Variants in SPPL2A observed in about 807,000 individuals in gnomAD.
The protein encoded by SPPL2A is signal peptide peptidase like 2A.
In SPPL2A, 51 loss-of-function variants were observed where a neutral mutation model predicts 63.8. The ratio of observed to expected loss-of-function variants is 0.80; its 90% CI spans 0.64 to 1.01. SPPL2A has a LOEUF of 1.01. SPPL2A is among the 50% of genes least tolerant of loss of function. The pLI, the probability that SPPL2A is intolerant of heterozygous loss-of-function variation, is 0.00. For synonymous variants in SPPL2A, 188 were observed against 205.8 expected (o/e 0.91, Z 0.74); for missense variants, 553 against 622.7 (o/e 0.89, Z 1.19).
intron 14 of SPPL2A, among the ~76,000 whole-genome samples, chr15:50,712,078 T>C (rs1323411824): frequency 6.6e-6 from 1 of 152,108 alleles, no homozygotes; most frequent in African/African-American, 2.4e-5. Context: ...GCATTAGAGG[T>C]GCACTGCATA....
rs1178344844 is a variant in SPPL2A, at chr15:50,720,086, T to C, written c.1342A>G (p.Met448Val). Residue 448 changes from methionine (M) to valine (V), a missense_variant, in exon 14 of 15, where the codon ATG becomes GTG. Met to Val is a conservative substitution (Grantham distance 21). Transcript: ENST00000261854. ...VSSTVAYAIG[M>V]ILTFVVLVLM... ...ACCAGAACAACAAATGTAAGTATCA[T>C]GCCAATAGCATAGGCTGCAAGAAGA... 6.2e-6 allele frequency: 10 copies of C among 1,611,238 alleles called. No homozygotes were observed. Among genetic ancestry groups the C allele is most frequent in the Non-Finnish European group, 8.5e-6 (10 of 1,179,282 alleles).
chr15:50,752,751 C>G (rs1401006423), intron 1 of SPPL2A, among the ~76,000 whole-genome samples: 1 of 150,712 alleles, frequency 6.6e-6, no homozygotes, highest in African/African-American at 2.4e-5. Flanking sequence ...AAACAAAAAA[C>G]AAGTCTTTGA....
intron 14 of SPPL2A, among the ~76,000 whole-genome samples, chr15:50,719,132 CT>C (rs1259178559): frequency 6.6e-6 from 1 of 152,108 alleles, no homozygotes; most frequent in Non-Finnish European, 1.5e-5. Context: ...CAAAAGAGAC[CT>C]TGGTATCAAG....
chr15:50,736,942 C>T (rs571895019), intron 6 of SPPL2A, among the ~76,000 whole-genome samples: 10 of 149,092 alleles, frequency 6.7e-5, no homozygotes, highest in East Asian at 4.1e-4. Flanking sequence ...CTCACTCTGT[C>T]GCCCAGTCGC....
At chr15:50,741,975 G>GA (rs201881941) in intron 5 of SPPL2A, among the ~76,000 whole-genome samples, 2,551 of 146,576 alleles carry the variant, frequency 0.017, 29 homozygotes, top group African/African-American at 0.031. Flanking sequence ...CAAAAAAAAA[G>GA]AAAAAAAAAT....
chr15:50,756,992 G>C (rs1162794906), intron 1 of SPPL2A, among the ~76,000 whole-genome samples: 2 of 151,860 alleles, frequency 1.3e-5, no homozygotes, highest in Non-Finnish European at 2.9e-5. Flanking sequence ...TGCATTCGCT[G>C]TTAACTCCTT....
intron 14 of SPPL2A, among the ~76,000 whole-genome samples, chr15:50,718,572 C>T (rs554781024): frequency 2.2e-4 from 33 of 152,158 alleles, no homozygotes; most frequent in African/African-American, 7.2e-4. Flanking sequence ...TAGTCAAGGG[C>T]ATTAGGATCA....
intron 1 of SPPL2A, among the ~76,000 whole-genome samples, chr15:50,755,968 G>A (rs2062954207): frequency 6.6e-6 from 1 of 152,000 alleles, no homozygotes; most frequent in Non-Finnish European, 1.5e-5. Flanking sequence ...GATGGTCAAT[G>A]GACCCCACCT....
chr15:50,757,748 C>G (rs969208882), intron 1 of SPPL2A, among the ~76,000 whole-genome samples: 1 of 152,072 alleles, frequency 6.6e-6, no homozygotes, highest in African/African-American at 2.4e-5. Flanking sequence ...ATCATATTCC[C>G]TATCATTTTC....
chr15:50,721,761 C>T (rs529193752), intron 13 of SPPL2A, among the ~76,000 whole-genome samples: 38 of 152,146 alleles, frequency 2.5e-4, no homozygotes, highest in Non-Finnish European at 4.1e-4. Context: ...CGTGCCACCA[C>T]GCCCAGCTAA....
At chr15:50,744,227 C>A (rs1427510097) in intron 5 of SPPL2A, among the ~76,000 whole-genome samples, 8 of 151,446 alleles carry the variant, frequency 5.3e-5, no homozygotes, top group African/African-American at 1.7e-4. Flanking sequence ...GAAAAACATG[C>A]TTACTCATAT....
At position 50,713,724 on chromosome 15, in the gene SPPL2A, C is replaced by G. The variant is rs1038558696; in HGVS notation, c.1489-5850G>C. On this transcript the variant is annotated intron_variant, in intron 14 of 14. Transcript: ENST00000261854. ...TGATAGCTCAGAATTTGTTCTTTTA[C>G]GAGTAAGTTAAAGGAAGCAGATTTA... Among the ~76,000 whole-genome samples, 4 of 152,076 alleles carry G rather than the reference C, an allele frequency of 2.6e-5. No individual in the cohort carries two copies. The East Asian group carries it at 7.7e-4, about 29-fold the overall frequency.
At position 50,703,711 on chromosome 15, in the gene SPPL2A, G is replaced by A. The variant is rs2141011903; in HGVS notation, c.*4089C>T. ...TGTAAAATATGTCTATAACTCAAAG[G>A]ATAAATGCTTGAGGGAATGGATACC... On this transcript the variant is annotated 3_prime_UTR_variant, in exon 15 of 15. Transcript: ENST00000261854. The A allele has an allele frequency of 6.6e-6, 1 of 151,966 alleles. No individual in the cohort carries two copies. The highest frequency in any genetic ancestry group is 2.4e-5 in the African/African-American group (1 of 41,448). The allele number at this position is 151,966 out of a possible 1,614,324, so 9.4% of individuals were successfully genotyped here. A position where few individuals can be genotyped will look rare whatever the true frequency, so the allele number is the denominator to read the frequency against.
At chr15:50,741,519 A>G (rs1473442452) in intron 5 of SPPL2A, among the ~76,000 whole-genome samples, 2 of 152,126 alleles carry the variant, frequency 1.3e-5, no homozygotes, top group Non-Finnish European at 2.9e-5. Flanking sequence ...TAATTATGAT[A>G]TCTGTCACTA....
At chr15:50,740,674 G>A (rs1046592963) in intron 5 of SPPL2A, among the ~76,000 whole-genome samples, 2 of 151,804 alleles carry the variant, frequency 1.3e-5, no homozygotes, top group African/African-American at 2.4e-5. Flanking sequence ...GCAGTGGCGC[G>A]ATCTCTGCTC....
chr15:50,725,393 T>C lies in SPPL2A; in HGVS notation c.1147-70A>G, dbSNP rs1034515132. On this transcript the variant is annotated intron_variant, in intron 11 of 14. Coordinates refer to ENST00000261854, the MANE Select transcript of SPPL2A (RefSeq NM_032802.4). ...AAAACAGAGGCCGCCAATGAACTTC[T>C]TGGCAATCTTTACTCATATCTTTTA... is the stretch of plus-strand genomic sequence containing the variant. 2.0e-4 allele frequency: 165 copies of C among 808,954 alleles called. 1 individual carries two copies. The highest frequency in any genetic ancestry group is 7.3e-4 in the Middle Eastern group (2 of 2,732). 50.1% of individuals were successfully genotyped at this position (808,954 alleles called of 1,614,324 possible).
At chr15:50,760,190 G>C (rs1045534063) in intron 1 of SPPL2A, among the ~76,000 whole-genome samples, 2 of 152,052 alleles carry the variant, frequency 1.3e-5, no homozygotes, top group African/African-American at 4.8e-5. Flanking sequence ...CTCTCTTCCT[G>C]GCTTATAGAT....
At chr15:50,755,678 T>TC (rs142129142) in intron 1 of SPPL2A, among the ~76,000 whole-genome samples, 13,311 of 147,716 alleles carry the variant, frequency 0.09, 2,144 homozygotes, top group African/African-American at 0.32. Flanking sequence ...AAAAGCAAAT[T>TC]CTTGGGCCCC....
At chr15:50,726,403 G>A (rs760395765) in intron 10 of SPPL2A, 26 bp from the exon 11 acceptor site, 1 of 1,604,692 alleles carries the variant, frequency 6.2e-7, no homozygotes, top group South Asian at 1.1e-5. Context: ...AAAAGAAGTT[G>A]TCTAATCATT....
Sources: gnomAD v4.1 joint callset for allele counts (sites outside exome capture counted in the v4.1 genomes callset) on GRCh38, gnomAD v4.1.1 for gene constraint, MANE v1.5 for transcripts, NCBI Gene and HGNC (gene_info 2026-07-23, HGNC 2026-07-21) for gene names.